GNAS: variants seen among roughly 807,000 people sequenced by gnomAD.
The protein encoded by GNAS is protein ALEX.
In GNAS, 8 loss-of-function variants were observed where a neutral mutation model predicts 54.5. The observed-to-expected ratio is 0.15, with a 90% confidence interval of 0.09 to 0.26. The LOEUF is 0.26. Ranked by LOEUF, GNAS falls within the 10% of genes least tolerant of loss-of-function variation. GNAS has a pLI of 1.00. For missense variants in GNAS, 170 were observed against 529.8 expected (o/e 0.32, Z 6.67); for synonymous variants, 204 against 191.4 (o/e 1.07, Z -0.54).
chr20:58,907,087 C>A (rs1408861506), intron 6 of GNAS, among the ~76,000 whole-genome samples: 2 of 152,084 alleles, frequency 1.3e-5, no homozygotes, highest in African/African-American at 4.8e-5. Context: ...GCCTCAAGCC[C>A]AAGGAACTGA....
chr20:58,865,231 A>C (rs1347779849), intron 1 of GNAS, among the ~76,000 whole-genome samples: 1 of 151,886 alleles, frequency 6.6e-6, no homozygotes, highest in Non-Finnish European at 1.5e-5. Context: ...CAGCCTGGCC[A>C]CGTGGTGAAA....
intron 3 of GNAS, among the ~76,000 whole-genome samples, chr20:58,902,730 T>C (rs1480373793): frequency 1.1e-5 from 1 of 94,234 alleles, no homozygotes; most frequent in African/African-American, 3.9e-5. Context: ...TACGACTTTT[T>C]TTTTTTTTTT....
intron 1 of GNAS, 101 bp downstream of exon 1, chr20:58,891,966 C>G (rs1272894544): frequency 1.3e-5 from 10 of 775,194 alleles, no homozygotes; most frequent in Non-Finnish European, 1.6e-5. Context: ...GGCGCGCGCT[C>G]CCGAGCCCCC....
intron 1 of GNAS, among the ~76,000 whole-genome samples, chr20:58,848,185 G>A (rs986797712): frequency 5.3e-5 from 8 of 152,168 alleles, no homozygotes; most frequent in Non-Finnish European, 7.3e-5. Context: ...AAGTGCAGAC[G>A]CTATTATTTT....
intron 2 of GNAS, chr20:58,898,547 T>G (rs968217609): frequency 4.2e-6 from 1 of 240,458 alleles, no homozygotes; most frequent in African/African-American, 2.2e-5. Context: ...TTGGGAAGAT[T>G]CTGACCTGGG....
At chr20:58,871,700 A>C (rs1449010013) in intron 1 of GNAS, among the ~76,000 whole-genome samples, 2 of 145,352 alleles carry the variant, frequency 1.4e-5, no homozygotes, top group African/African-American at 2.5e-5. Flanking sequence ...AAGGAAAGAG[A>C]GAAGGAAGGA....
At position 58,840,850 on chromosome 20, in the gene GNAS, G is replaced by C. The variant is rs201650638; in HGVS notation, c.7G>C (p.Asp3His). 402 of 1,612,878 alleles carry C rather than the reference G, an allele frequency of 2.5e-4. 1 individual carries two copies. Among genetic ancestry groups the C allele is most frequent in the Non-Finnish European group, 2.3e-5 (27 of 1,179,978 alleles). The change falls in exon 1 of 13, where the codon GAC becomes CAC. Residue 3 changes from aspartate to histidine, a missense_variant. Transcript: ENST00000306090. This position sits in a 1 kb window ranked among gnomAD's most constrained non-coding sequence, Gnocchi z 6.0. ...TCCCCATCCGGCGTCACTAATGGAG[G>C]ACGCCGTCCAGATTCTCCTTGTTTT... is the stretch of plus-strand genomic sequence containing the variant.
chr20:58,845,030 T>C (rs2085893401), intron 1 of GNAS, among the ~76,000 whole-genome samples: 1 of 108,654 alleles, frequency 9.2e-6, no homozygotes, highest in Admixed American at 9.5e-5. Flanking sequence ...TTAGTGTGTG[T>C]TTTACGTGTG....
intron 1 of GNAS, among the ~76,000 whole-genome samples, chr20:58,844,393 A>G (rs924470102): frequency 1.1e-4 from 16 of 152,160 alleles, no homozygotes; most frequent in Non-Finnish European, 1.5e-5. Flanking sequence ...AGAATGAGAG[A>G]TGGAATTTCT....
rs1433059010 is a variant in GNAS at position 58,891,555 on chromosome 20, GCGCGCCC to G, written c.-167_-161del. 6.3e-5 allele frequency: 61 copies of G among 973,046 alleles called. No homozygotes were observed. The East Asian group carries it at 7.2e-4, about 11-fold the overall frequency. 60.3% of individuals were successfully genotyped at this position (973,046 alleles called of 1,614,324 possible). A position where few individuals can be genotyped will look rare whatever the true frequency, so the allele number is the denominator to read the frequency against. The stretch of plus-strand genomic sequence containing the variant: ...GACACCCTCCCCTTCCCGCCCGTCC[GCGCGCCC>G]CGCGGCCCGCGGCCCGCAGTCCGCC... On this transcript the variant is annotated 5_prime_UTR_variant, in exon 1 of 13. Coordinates refer to ENST00000371085, the MANE Select transcript of GNAS (RefSeq NM_000516.7).
Position 58,856,046 on chromosome 20 carries a change from A to C in GNAS, c.43+15160A>C. 5.3e-6 allele frequency: 1 copy of C among 189,906 alleles called. No individual in the cohort carries two copies. Among genetic ancestry groups the C allele is most frequent in the Non-Finnish European group, 1.1e-5 (1 of 91,120 alleles). 11.8% of individuals were successfully genotyped at this position (189,906 alleles called of 1,614,324 possible). A position where few individuals can be genotyped will look rare whatever the true frequency, so the allele number is the denominator to read the frequency against. ...AAGGTGGCGGGGCCTCCCGGGAAAT[A>C]AGCGGGGCCCTTGGCCTGGGGGAGC... is the stretch of plus-strand genomic sequence containing the variant. On this transcript the variant is annotated intron_variant, in intron 1 of 12. Coordinates refer to the GNAS transcript ENST00000306090. The surrounding 1 kb of genome is among the most constrained non-coding windows in gnomAD (Gnocchi z 4.2).
chr20:58,886,975 G>C (rs188058555), upstream of GNAS, among the ~76,000 whole-genome samples: 1 of 152,360 alleles, frequency 6.6e-6, no homozygotes, highest in African/African-American at 2.4e-5. Context: ...AAGGAGTAAA[G>C]CCTGATCTTG....
chr20:58,864,710 C>T (rs1278653710), intron 1 of GNAS, among the ~76,000 whole-genome samples: 1 of 152,194 alleles, frequency 6.6e-6, no homozygotes, highest in African/African-American at 2.4e-5. Context: ...CCAGGACAGA[C>T]CTTGGATTCA....
Position 58,862,304 on chromosome 20 carries a change from C to A in GNAS, c.43+21418C>A, listed in dbSNP as rs370690716. ...TCCCCAGTAGCTGGGATTACAGGTG[C>A]CTGCCAGCATGCCCAGCTAACTTTT... On this transcript the variant is annotated intron_variant, in intron 1 of 12. Transcript: ENST00000306090. Among the ~76,000 whole-genome samples, 25 of 151,948 alleles carry A rather than the reference C, an allele frequency of 1.6e-4. No individual in the cohort carries two copies. The East Asian group carries it at 4.5e-3, about 27-fold the overall frequency.
Position 58,873,143 on chromosome 20 carries a change from G to C in GNAS, c.44-22469G>C, listed in dbSNP as rs911894904. On this transcript the variant is annotated intron_variant, in intron 1 of 12. Transcript: ENST00000306090. This position sits in a 1 kb window ranked among gnomAD's most constrained non-coding sequence, Gnocchi z 4.3. ...TGAGACTTAGCAAAATGGCTGATTA[G>C]GGGCCAGTGTTGGGGAAAATAATTG... Among the ~76,000 whole-genome samples the C allele has an allele frequency of 6.6e-6, 1 of 152,176 alleles. No individual in the cohort carries two copies. The highest frequency in any genetic ancestry group is 1.5e-5 in the Non-Finnish European group (1 of 68,036).
intron 3 of GNAS, among the ~76,000 whole-genome samples, chr20:58,902,181 C>T (rs994180217): frequency 3.0e-4 from 45 of 152,200 alleles, no homozygotes; most frequent in African/African-American, 1.0e-3. Flanking sequence ...ACCTTTTTTC[C>T]GCATGACAAC....
At chr20:58,862,493 A>G (rs1314418211) in intron 1 of GNAS, among the ~76,000 whole-genome samples, 3 of 144,168 alleles carry the variant, frequency 2.1e-5, no homozygotes, top group African/African-American at 5.2e-5. Flanking sequence ...TTTTCCTCCT[A>G]GATTTTTTTT....
Position 58,911,057 on chromosome 20 carries a change from C to G in GNAS, c.*228C>G, listed in dbSNP as rs1569034166. 1.5e-6 allele frequency: 1 copy of G among 669,638 alleles called. No individual in the cohort carries two copies. Among genetic ancestry groups the G allele is most frequent in the Non-Finnish European group, 2.7e-6 (1 of 366,702 alleles). 41.5% of individuals were successfully genotyped at this position (669,638 alleles called of 1,614,324 possible). A position where few individuals can be genotyped will look rare whatever the true frequency, so the allele number is the denominator to read the frequency against. On this transcript the variant is annotated 3_prime_UTR_variant, in exon 13 of 13. Transcript: ENST00000371085. ...AAAAGGAAAAAAGGCCACAAAAGTTCCCTCTCACTTTCAGTAAAAATAAAT... is the reference window on the plus strand; with the variant it reads ...AAAAGGAAAAAAGGCCACAAAAGTTGCCTCTCACTTTCAGTAAAAATAAAT...
intron 5 of GNAS, among the ~76,000 whole-genome samples, 173 bp downstream of exon 5, chr20:58,903,964 CTTAAT>C (rs1279894632): frequency 2.0e-5 from 3 of 152,272 alleles, no homozygotes; most frequent in East Asian, 3.9e-4. Context: ...CATGTGTAAC[CTTAAT>C]TTAATAATAA....
Sources: allele counts gnomAD v4.1 joint callset (sites outside exome capture counted in the v4.1 genomes callset), GRCh38; gene constraint gnomAD v4.1.1; non-coding constraint Gnocchi (gnomAD v3.1); transcripts MANE v1.5; gene names NCBI Gene and HGNC (gene_info 2026-07-23, HGNC 2026-07-21).